Variants in PDE7B observed in about 807,000 individuals in gnomAD.
The protein encoded by PDE7B is phosphodiesterase 7B.
A neutral mutation model predicts 56.2 loss-of-function variants in PDE7B; 29 were observed. That is an observed-to-expected ratio of 0.52 (90% CI 0.38 to 0.70). The LOEUF (loss-of-function observed/expected upper bound fraction) is 0.70. Among genes scored for constraint, PDE7B ranks in the 30% least tolerant of loss-of-function variants. The pLI is 0.00. For synonymous variants in PDE7B, 197 were observed against 196.9 expected (o/e 1.00, Z 0.00); for missense variants, 490 against 565.0 (o/e 0.87, Z 1.35).
intron 2 of PDE7B, among the ~76,000 whole-genome samples, chr6:135,989,601 C>T (rs956303630): frequency 6.6e-6 from 1 of 151,618 alleles, no homozygotes; most frequent in Non-Finnish European, 1.5e-5. Context: ...GCAACAAGAG[C>T]GAAACTCTGT....
chr6:136,019,583 A>C (rs909458873), intron 2 of PDE7B, among the ~76,000 whole-genome samples: 3 of 152,180 alleles, frequency 2.0e-5, no homozygotes, highest in Non-Finnish European at 4.4e-5. Context: ...AATACAGTTG[A>C]TCCTTGAATA....
At chr6:135,896,647 A>C (rs1005307468) in intron 1 of PDE7B, among the ~76,000 whole-genome samples, 1 of 152,168 alleles carries the variant, frequency 6.6e-6, no homozygotes, top group Non-Finnish European at 1.5e-5. Context: ...GATGAAAAAA[A>C]GGAGACGCAG....
At chr6:135,884,841 G>C (rs1340847756) in intron 1 of PDE7B, among the ~76,000 whole-genome samples, 1 of 152,110 alleles carries the variant, frequency 6.6e-6, no homozygotes, top group Non-Finnish European at 1.5e-5. Flanking sequence ...GTCTGCCTAT[G>C]AGTCAAATTA....
intron 2 of PDE7B, among the ~76,000 whole-genome samples, chr6:136,048,589 G>T (rs999113202): frequency 1.3e-5 from 2 of 152,098 alleles, no homozygotes; most frequent in Admixed American, 6.6e-5. Flanking sequence ...TAGGCTGGGG[G>T]TCAGGTTGCC....
At chr6:135,859,358 G>C (rs1328716768) in intron 1 of PDE7B, among the ~76,000 whole-genome samples, 1 of 152,024 alleles carries the variant, frequency 6.6e-6, no homozygotes, top group African/African-American at 2.4e-5. Flanking sequence ...GCTTCATTCG[G>C]AAAAGTGTAG....
At chr6:136,126,845 T>C in intron 3 of PDE7B, among the ~76,000 whole-genome samples, 2 of 151,928 alleles carry the variant, frequency 1.3e-5, no homozygotes, top group South Asian at 2.1e-4. Context: ...ACAAATTGAG[T>C]TCAATGTATA....
At chr6:136,033,183 C>T (rs777585424) in intron 2 of PDE7B, among the ~76,000 whole-genome samples, 28 of 152,326 alleles carry the variant, frequency 1.8e-4, no homozygotes, top group Non-Finnish European at 3.2e-4. Flanking sequence ...AGGCTGTATT[C>T]ATCAGCAGGC....
intron 8 of PDE7B, among the ~76,000 whole-genome samples, chr6:136,159,831 C>A (rs1778673327): frequency 6.6e-6 from 1 of 152,098 alleles, no homozygotes; most frequent in Admixed American, 6.6e-5. Context: ...AGAAAGTGTC[C>A]AACAAATAGA....
chr6:136,023,059 T>C (rs1335596287), intron 2 of PDE7B, among the ~76,000 whole-genome samples: 1 of 152,156 alleles, frequency 6.6e-6, no homozygotes, highest in Non-Finnish European at 1.5e-5. Flanking sequence ...AAACCCTTTT[T>C]CCCAATTATC....
intron 2 of PDE7B, among the ~76,000 whole-genome samples, chr6:136,046,753 C>A (rs1776516306): frequency 6.6e-6 from 1 of 152,130 alleles, no homozygotes; most frequent in Non-Finnish European, 1.5e-5. Flanking sequence ...TATAGACCCA[C>A]CTCTTAATAT....
At chr6:135,978,749 G>T (rs532903252) in intron 2 of PDE7B, among the ~76,000 whole-genome samples, 1 of 152,010 alleles carries the variant, frequency 6.6e-6, no homozygotes, top group South Asian at 2.1e-4. Context: ...CTTTGCTGAA[G>T]TTGCTTATCA....
chr6:136,012,134 C>T (rs1309647868), intron 2 of PDE7B, among the ~76,000 whole-genome samples: 1 of 152,128 alleles, frequency 6.6e-6, no homozygotes, highest in Non-Finnish European at 1.5e-5. Flanking sequence ...GCACCCCTCC[C>T]CAGACAGAGC....
chr6:136,115,011 T>C (rs1253590393), intron 3 of PDE7B: 1 of 152,152 alleles, frequency 6.6e-6, no homozygotes, highest in African/African-American at 2.4e-5. Flanking sequence ...GAGTTGGCGA[T>C]GTCCCGACTC....
chr6:136,104,783 T>C (rs372673206), intron 2 of PDE7B, among the ~76,000 whole-genome samples: 53 of 152,362 alleles, frequency 3.5e-4, no homozygotes, highest in African/African-American at 1.2e-3. Context: ...CTTACTGGTA[T>C]TCTTAACATG....
chr6:136,090,978 G>A (rs921005513), intron 2 of PDE7B, among the ~76,000 whole-genome samples: 10 of 152,278 alleles, frequency 6.6e-5, no homozygotes, highest in Non-Finnish European at 7.4e-5. Flanking sequence ...CCTAGCCAAA[G>A]TGTCCAAATT....
chr6:135,906,818 T>G (rs929960886), intron 1 of PDE7B, among the ~76,000 whole-genome samples: 3 of 144,266 alleles, frequency 2.1e-5, no homozygotes, highest in East Asian at 2.0e-4. Flanking sequence ...TTGTTTTTTT[T>G]TTTTTTTTTT....
At chr6:136,085,768 G>A (rs1049293740) in intron 2 of PDE7B, among the ~76,000 whole-genome samples, 3 of 152,190 alleles carry the variant, frequency 2.0e-5, no homozygotes, top group African/African-American at 7.2e-5. Flanking sequence ...TCCAATACCG[G>A]GAAGTTATTG....
chr6:135,949,737 G>A (rs143691484), intron 2 of PDE7B, among the ~76,000 whole-genome samples: 133 of 151,520 alleles, frequency 8.8e-4, no homozygotes, highest in Middle Eastern at 3.4e-3. Flanking sequence ...CCTTTTTTTC[G>A]TAATTCAGAA....
At chr6:136,019,243 G>T (rs1776029447) in intron 2 of PDE7B, among the ~76,000 whole-genome samples, 1 of 152,042 alleles carries the variant, frequency 6.6e-6, no homozygotes. Context: ...TTTTCTTGTA[G>T]TAAATTACAG....
Sources: allele counts gnomAD v4.1 joint callset (sites outside exome capture counted in the v4.1 genomes callset), GRCh38; gene constraint gnomAD v4.1.1; transcripts MANE v1.5; gene names NCBI Gene and HGNC (gene_info 2026-07-23, HGNC 2026-07-21).